Variants in CRYBG1 observed in about 807,000 individuals in gnomAD.
CRYBG1 encodes the protein beta/gamma crystallin domain-containing protein 1.
In CRYBG1, 139 loss-of-function variants were observed where a neutral mutation model predicts 189.2. The ratio of observed to expected loss-of-function variants is 0.73; its 90% CI spans 0.64 to 0.85. The LOEUF is 0.85. Among genes scored for constraint, CRYBG1 ranks in the 40% least tolerant of loss-of-function variants. The pLI is 0.00. For missense variants in CRYBG1, 2,611 were observed against 2,675.8 expected, an observed-to-expected ratio of 0.98 and a Z score of 0.53; for synonymous variants, 1,023 against 1,017.1, an observed-to-expected ratio of 1.01 and a Z score of -0.11.
chr6:106,435,566 G>A (rs1450691391), intron 1 of CRYBG1, among the ~76,000 whole-genome samples: 1 of 152,034 alleles, frequency 6.6e-6, no homozygotes, highest in Non-Finnish European at 1.5e-5. Flanking sequence ...TTTCTCTGCA[G>A]TATTGTTTTC....
chr6:106,528,513 G>A (rs1017267416), intron 7 of CRYBG1, among the ~76,000 whole-genome samples: 3 of 152,092 alleles, frequency 2.0e-5, no homozygotes, highest in Non-Finnish European at 2.9e-5. Context: ...TCATAATACA[G>A]GTACAATGCT....
chr6:106,460,633 T>C (rs1771991326), intron 2 of CRYBG1, among the ~76,000 whole-genome samples: 1 of 152,096 alleles, frequency 6.6e-6, no homozygotes, highest in Admixed American at 6.6e-5. Context: ...TATCCAGAGA[T>C]GGGGAGCAGG....
intron 8 of CRYBG1, among the ~76,000 whole-genome samples, chr6:106,531,717 A>G (rs905321859): frequency 3.3e-5 from 5 of 152,202 alleles, no homozygotes; most frequent in African/African-American, 1.2e-4. Context: ...CAGAAGGTAA[A>G]TGTACACTTA....
At chr6:106,431,906 A>G (rs897495378) in intron 1 of CRYBG1, among the ~76,000 whole-genome samples, 1 of 152,154 alleles carries the variant, frequency 6.6e-6, no homozygotes, top group Non-Finnish European at 1.5e-5. Context: ...GATGCAAATG[A>G]CATGATGAAT....
At chr6:106,505,100 C>CT (rs374942804) in intron 2 of CRYBG1, among the ~76,000 whole-genome samples, 9,315 of 141,026 alleles carry the variant, frequency 0.066, 354 homozygotes, top group Admixed American at 0.12. Context: ...ACCTGGCTAA[C>CT]TTTTTTTTTT....
At chr6:106,554,075 A>G (rs1774473105) in intron 16 of CRYBG1, among the ~76,000 whole-genome samples, 1 of 152,212 alleles carries the variant, frequency 6.6e-6, no homozygotes. Flanking sequence ...GGCAAAGGCA[A>G]TGGGCTCAAT....
chr6:106,479,121 A>C (rs1192518334), intron 2 of CRYBG1, among the ~76,000 whole-genome samples: 1 of 152,246 alleles, frequency 6.6e-6, no homozygotes, highest in East Asian at 1.9e-4. Context: ...GTTGATGAAC[A>C]TGCGGGTTGT....
In CRYBG1 at chr6:106,569,584, T is replaced by G. The variant is rs1582848933; in HGVS notation, c.*1018T>G. 1 of 152,214 alleles carries G rather than the reference T, an allele frequency of 6.6e-6. No individual in the cohort carries two copies. Among genetic ancestry groups the G allele is most frequent in the African/African-American group, 2.4e-5 (1 of 41,440 alleles). 9.4% of individuals were successfully genotyped at this position (152,214 alleles called of 1,614,324 possible). On this transcript the variant is annotated 3_prime_UTR_variant, in exon 22 of 22. Transcript: ENST00000633556. ...CTAGAATGTCACAAATGAGGGTTGT[T>G]TAATGCCTTTCTTATAGCTGCTACT...
chr6:106,494,410 A>T (rs997389861), intron 2 of CRYBG1, among the ~76,000 whole-genome samples: 9 of 152,274 alleles, frequency 5.9e-5, no homozygotes, highest in South Asian at 4.1e-4. Flanking sequence ...AGTTAAATTT[A>T]AAAAAATGAA....
At chr6:106,450,263 C>T (rs971617803) in intron 1 of CRYBG1, among the ~76,000 whole-genome samples, 2 of 151,908 alleles carry the variant, frequency 1.3e-5, no homozygotes, top group South Asian at 2.1e-4. Flanking sequence ...CAAATTATGC[C>T]CATCTATATC....
chr6:106,505,688 A>G (rs952959109), intron 2 of CRYBG1, among the ~76,000 whole-genome samples: 1 of 151,604 alleles, frequency 6.6e-6, no homozygotes, highest in African/African-American at 2.4e-5. Context: ...AAGTAGCTCA[A>G]ATTCCTATAT....
intron 1 of CRYBG1, among the ~76,000 whole-genome samples, chr6:106,432,083 C>A (rs555271196): frequency 6.6e-6 from 1 of 152,282 alleles, no homozygotes; most frequent in Admixed American, 6.5e-5. Context: ...TGGCAAAAAT[C>A]ATTGCTGTCT....
At chr6:106,538,390 A>C (rs1403336629) in intron 8 of CRYBG1, among the ~76,000 whole-genome samples, 1 of 152,166 alleles carries the variant, frequency 6.6e-6, no homozygotes, top group African/African-American at 2.4e-5. Context: ...ACAAGCTGAT[A>C]GAAGGGTGTG....
At chr6:106,460,741 A>G (rs1771993553) in intron 2 of CRYBG1, among the ~76,000 whole-genome samples, 1 of 151,734 alleles carries the variant, frequency 6.6e-6, no homozygotes, top group Non-Finnish European at 1.5e-5. Context: ...CCTCTCACTC[A>G]CTCCAGTTCT....
At chr6:106,371,680 A>G (rs546103806) in intron 1 of CRYBG1, among the ~76,000 whole-genome samples, 1 of 152,364 alleles carries the variant, frequency 6.6e-6, no homozygotes, top group African/African-American at 2.4e-5. Flanking sequence ...CCTGTGTATC[A>G]GTATACATGT....
intron 20 of CRYBG1, 148 bp downstream of exon 20, chr6:106,561,648 T>A: frequency 1.1e-6 from 1 of 931,264 alleles, no homozygotes; most frequent in Non-Finnish European, 1.6e-6. Flanking sequence ...TTCATGACAG[T>A]ATATCCTAGC....
chr6:106,544,783 A>T lies in CRYBG1; in HGVS notation c.5167-5A>T, dbSNP rs774081637. 6.2e-7 allele frequency: 1 copy of T among 1,602,236 alleles called. No individual in the cohort carries two copies. Among genetic ancestry groups the T allele is most frequent in the Admixed American group, 1.8e-5 (1 of 56,486 alleles). On this transcript the variant is annotated splice_region_variant and splice_polypyrimidine_tract_variant and intron_variant, in intron 12 of 21. Coordinates refer to ENST00000633556, the MANE Select transcript of CRYBG1 (RefSeq NM_001371242.2). ...CTTTGAATTTTGAATTTTTTTTCTC[A>T]ATAGGATTTTTCAAATGCTCACATG...
At chr6:106,556,278 A>C (rs553408477) in intron 17 of CRYBG1, among the ~76,000 whole-genome samples, 1 of 152,208 alleles carries the variant, frequency 6.6e-6, no homozygotes, top group African/African-American at 2.4e-5. Context: ...CTCTCATTCT[A>C]ATTTTTGTCA....
chr6:106,468,089 TATG>T (rs1462219280), intron 2 of CRYBG1, among the ~76,000 whole-genome samples: 2 of 151,920 alleles, frequency 1.3e-5, no homozygotes, highest in Admixed American at 1.3e-4. Flanking sequence ...AAAAGACAAA[TATG>T]ATACTCACAC....
Sources: gnomAD v4.1 joint callset for allele counts (sites outside exome capture counted in the v4.1 genomes callset) on GRCh38, gnomAD v4.1.1 for gene constraint, MANE v1.5 for transcripts, NCBI Gene and HGNC (gene_info 2026-07-23, HGNC 2026-07-21) for gene names.